The following DAB1 variants were observed in gnomAD, a reference collection of about 807,000 sequenced individuals.
The protein encoded by DAB1 is DAB adaptor protein 1.
DAB1 carries 15 observed loss-of-function variants against 64.6 expected under a neutral mutation model. That is an observed-to-expected ratio of 0.23 (90% CI 0.16 to 0.36). The LOEUF is 0.36. Ranked by LOEUF, DAB1 falls within the 10% of genes least tolerant of loss-of-function variation. DAB1 has a pLI of 1.00. For synonymous variants in DAB1, 235 were observed against 251.9 expected (o/e 0.93, Z 0.64); for missense variants, 596 against 706.7 (o/e 0.84, Z 1.78).
At chr1:58,151,943 T>C (rs962343818) in intron 4 of DAB1, among the ~76,000 whole-genome samples, 1 of 152,126 alleles carries the variant, frequency 6.6e-6, no homozygotes, top group Non-Finnish European at 1.5e-5. Flanking sequence ...AACAAGTAGG[T>C]CTTTATCAGA....
chr1:58,293,513 T>G (rs1212608695), intron 4 of DAB1, among the ~76,000 whole-genome samples: 2 of 152,114 alleles, frequency 1.3e-5, no homozygotes, highest in Admixed American at 6.6e-5. Flanking sequence ...AGAGTATAAA[T>G]AAAGCCCGCA....
chr1:57,785,107 TAAC>T (rs1301556644), intron 6 of DAB1, among the ~76,000 whole-genome samples: 1 of 152,192 alleles, frequency 6.6e-6, no homozygotes, highest in East Asian at 1.9e-4. Flanking sequence ...TCTAGAAATA[TAAC>T]AACAAAGCCT....
chr1:57,494,028 T>G (rs1644199169), intron 7 of DAB1, among the ~76,000 whole-genome samples: 1 of 152,144 alleles, frequency 6.6e-6, no homozygotes, highest in African/African-American at 2.4e-5. Flanking sequence ...CCAAAGTGCG[T>G]GTGGGGGTCT....
chr1:58,534,810 C>T (rs1032834525), intron 1 of DAB1, among the ~76,000 whole-genome samples: 43 of 152,222 alleles, frequency 2.8e-4, no homozygotes, highest in African/African-American at 8.9e-4. Context: ...GTGGCATGCA[C>T]CTGTGTTCCC....
intron 14 of DAB1, among the ~76,000 whole-genome samples, chr1:57,000,614 G>A (rs1462213690): frequency 6.6e-6 from 1 of 152,112 alleles, no homozygotes; most frequent in African/African-American, 2.4e-5. Flanking sequence ...TAACTTTATT[G>A]TGTGTTTGTG....
At chr1:57,557,443 T>A (rs973134500) in intron 7 of DAB1, among the ~76,000 whole-genome samples, 2 of 151,712 alleles carry the variant, frequency 1.3e-5, no homozygotes, top group African/African-American at 4.8e-5. Flanking sequence ...TATATACACA[T>A]ATATGTATAC....
At chr1:58,474,853 C>T (rs757589307) in intron 3 of DAB1, among the ~76,000 whole-genome samples, 3 of 152,116 alleles carry the variant, frequency 2.0e-5, no homozygotes, top group Non-Finnish European at 4.4e-5. Context: ...TGTGTGACCT[C>T]GGTAAAGTTA....
At chr1:57,333,041 G>A (rs1173073621) in intron 1 of DAB1, among the ~76,000 whole-genome samples, 2 of 152,172 alleles carry the variant, frequency 1.3e-5, no homozygotes, top group African/African-American at 4.8e-5. Flanking sequence ...GGTAATGAGA[G>A]GTCATCCCCA....
chr1:57,787,034 G>C (rs906063610), intron 6 of DAB1, among the ~76,000 whole-genome samples: 1 of 151,786 alleles, frequency 6.6e-6, no homozygotes, highest in African/African-American at 2.4e-5. Flanking sequence ...TAAATGGAAA[G>C]ATAAACTGTA....
chr1:58,157,101 T>C (rs1034218498), intron 4 of DAB1, among the ~76,000 whole-genome samples: 2 of 152,018 alleles, frequency 1.3e-5, no homozygotes, highest in Admixed American at 6.6e-5. Flanking sequence ...CTGCAGAAAA[T>C]AGAAGCAAAA....
chr1:58,296,698 T>C (rs918093422), intron 4 of DAB1, among the ~76,000 whole-genome samples: 1 of 152,146 alleles, frequency 6.6e-6, no homozygotes, highest in Non-Finnish European at 1.5e-5. Context: ...TGTGAACCCA[T>C]ATTTATCATA....
At chr1:57,208,393 C>G (rs900886828) in intron 2 of DAB1, among the ~76,000 whole-genome samples, 1 of 152,206 alleles carries the variant, frequency 6.6e-6, no homozygotes, top group Admixed American at 6.5e-5. Flanking sequence ...CCAAGGGATA[C>G]AGTGAGGGAT....
intron 7 of DAB1, among the ~76,000 whole-genome samples, chr1:57,605,340 G>C (rs1645623482): frequency 6.6e-6 from 1 of 152,202 alleles, no homozygotes. Flanking sequence ...CAGTAAATGA[G>C]TGTTAAATAA....
intron 6 of DAB1, among the ~76,000 whole-genome samples, chr1:57,717,444 A>G (rs1441834314): frequency 6.6e-6 from 1 of 152,086 alleles, no homozygotes; most frequent in African/African-American, 2.4e-5. Flanking sequence ...ATGTAGAGAA[A>G]GGGGAACTTT....
chr1:57,266,441 C>T (rs1670595180), intron 2 of DAB1, among the ~76,000 whole-genome samples: 1 of 152,156 alleles, frequency 6.6e-6, no homozygotes, highest in African/African-American at 2.4e-5. Flanking sequence ...CTCATGAATT[C>T]CTTTTGTTTA....
intron 5 of DAB1, among the ~76,000 whole-genome samples, chr1:58,113,951 A>C (rs1382369329): frequency 6.6e-6 from 1 of 152,130 alleles, no homozygotes; most frequent in African/African-American, 2.4e-5. Context: ...TTGCTCTCTT[A>C]TAAGTTAATT....
At chr1:57,668,734 A>G (rs1646476678) in intron 6 of DAB1, among the ~76,000 whole-genome samples, 1 of 152,156 alleles carries the variant, frequency 6.6e-6, no homozygotes, top group Non-Finnish European at 1.5e-5. Flanking sequence ...TAGATCCTAA[A>G]AAGAGTGCAT....
At chr1:57,195,070 T>C (rs1004827168) in intron 2 of DAB1, among the ~76,000 whole-genome samples, 35 of 152,188 alleles carry the variant, frequency 2.3e-4, no homozygotes, top group Admixed American at 2.0e-3. Flanking sequence ...CTACCTTCAA[T>C]AGGATGTGTG....
chr1:57,282,961 A>T (rs1672031942), intron 2 of DAB1, among the ~76,000 whole-genome samples: 1 of 152,070 alleles, frequency 6.6e-6, no homozygotes, highest in Non-Finnish European at 1.5e-5. Flanking sequence ...TTTTTTTCAC[A>T]TTCTCCAACT....
Sources: allele counts gnomAD v4.1 joint callset (sites outside exome capture counted in the v4.1 genomes callset), GRCh38; gene constraint gnomAD v4.1.1; transcripts MANE v1.5; gene names NCBI Gene and HGNC (gene_info 2026-07-23, HGNC 2026-07-21).